KIF16B: variants seen among roughly 807,000 people sequenced by gnomAD.
KIF16B encodes kinesin family member 16B, also known as kinesin-like protein KIF16B.
In KIF16B, 98 loss-of-function variants were observed where a neutral mutation model predicts 156.3. The ratio of observed to expected loss-of-function variants is 0.63; its 90% CI spans 0.53 to 0.74. The LOEUF (loss-of-function observed/expected upper bound fraction) is 0.74, where lower values mean the gene tolerates loss of function less well. KIF16B is among the 30% of genes least tolerant of loss of function. KIF16B has a pLI of 0.00. For synonymous variants in KIF16B, 564 were observed against 583.7 expected, an observed-to-expected ratio of 0.97 and a Z score of 0.49; for missense variants, 1,421 against 1,606.5, an observed-to-expected ratio of 0.88 and a Z score of 1.97.
At chr20:16,334,220 C>T (rs2063997026) in intron 24 of KIF16B, among the ~76,000 whole-genome samples, 1 of 152,144 alleles carries the variant, frequency 6.6e-6, no homozygotes, top group African/African-American at 2.4e-5. Context: ...TTTGGGAATT[C>T]AGTGAGTTTA....
chr20:16,563,534 A>C (rs990985526), intron 1 of KIF16B, among the ~76,000 whole-genome samples: 1 of 152,240 alleles, frequency 6.6e-6, no homozygotes, highest in Admixed American at 6.5e-5. Context: ...AAAATAACTT[A>C]GAAAAACAGT....
intron 12 of KIF16B, among the ~76,000 whole-genome samples, chr20:16,433,036 C>T (rs2066543993): frequency 6.6e-6 from 1 of 152,168 alleles, no homozygotes; most frequent in African/African-American, 2.4e-5. Context: ...ATAAGCTAAC[C>T]CCTACTCCTA....
chr20:16,467,559 C>T (rs967815552), intron 12 of KIF16B, among the ~76,000 whole-genome samples: 17 of 152,154 alleles, frequency 1.1e-4, no homozygotes, highest in African/African-American at 3.9e-4. Context: ...CAAGAACATA[C>T]AGATCATGTA....
intron 25 of KIF16B, among the ~76,000 whole-genome samples, chr20:16,275,571 TAATC>T (rs1713811334): frequency 6.6e-6 from 1 of 152,204 alleles, no homozygotes. Context: ...GCAAGGCTAG[TAATC>T]TAGAGAGAAG....
At chr20:16,280,686 A>C (rs1387209724) in intron 25 of KIF16B, among the ~76,000 whole-genome samples, 1 of 152,214 alleles carries the variant, frequency 6.6e-6, no homozygotes, top group African/African-American at 2.4e-5. Flanking sequence ...CCAGCTCTTC[A>C]AATGTAGGAG....
chr20:16,556,350 G>A (rs544344735), intron 1 of KIF16B, among the ~76,000 whole-genome samples: 5 of 152,294 alleles, frequency 3.3e-5, no homozygotes, highest in South Asian at 2.1e-4. Context: ...TCACTAACTG[G>A]CTACCCGGAG....
intron 9 of KIF16B, among the ~76,000 whole-genome samples, chr20:16,504,924 T>C (rs2068729665): frequency 7.1e-6 from 1 of 141,374 alleles, no homozygotes; most frequent in South Asian, 2.3e-4. Flanking sequence ...AAGTCTACTG[T>C]CTGGAAAAAA....
chr20:16,529,406 A>G (rs1315261475), intron 1 of KIF16B, among the ~76,000 whole-genome samples: 1 of 152,256 alleles, frequency 6.6e-6, no homozygotes, highest in Non-Finnish European at 1.5e-5. Context: ...AACTATTTCA[A>G]TTACGACTCT....
At position 16,382,100 on chromosome 20, in the gene KIF16B, T is replaced by G. The variant is rs1399170793; in HGVS notation, c.1785-353A>C. On this transcript the variant is annotated intron_variant, in intron 17 of 25. Transcript: ENST00000354981. ...ATATAAAAATGGAGAATCTCTACCT[T>G]AGACAGATGGGTCCTTTTATAGGGA... is the stretch of plus-strand genomic sequence containing the variant. 2.2e-6 allele frequency: 3 copies of G among 1,354,360 alleles called. No homozygotes were observed. The African/African-American group carries it at 4.4e-5, about 20-fold the overall frequency. The allele number at this position is 1,354,360 out of a possible 1,614,324, so 83.9% of individuals were successfully genotyped here. A position where few individuals can be genotyped will look rare whatever the true frequency, so the allele number is the denominator to read the frequency against.
intron 25 of KIF16B, among the ~76,000 whole-genome samples, chr20:16,282,693 G>A (rs1424211720): frequency 6.6e-6 from 1 of 152,092 alleles, no homozygotes; most frequent in African/African-American, 2.4e-5. Context: ...AGGCCCACAG[G>A]CACAGAGCAT....
intron 25 of KIF16B, among the ~76,000 whole-genome samples, chr20:16,288,888 T>C (rs2063270636): frequency 6.6e-6 from 1 of 151,578 alleles, no homozygotes; most frequent in Non-Finnish European, 1.5e-5. Context: ...ACACAGTACG[T>C]ACTGGCGATG....
chr20:16,429,819 A>C, intron 13 of KIF16B, 44 bp downstream of exon 13: 1 of 1,562,730 alleles, frequency 6.4e-7, no homozygotes. Flanking sequence ...TCTAATGGAG[A>C]AACTGGAAAC....
At chr20:16,455,022 G>A (rs1363945205) in intron 12 of KIF16B, among the ~76,000 whole-genome samples, 1 of 152,112 alleles carries the variant, frequency 6.6e-6, no homozygotes, top group Non-Finnish European at 1.5e-5. Flanking sequence ...GCTGAAAACA[G>A]CCCCTCAACA....
rs541133906 is a variant in KIF16B, at chr20:16,363,453, T to C, written c.3499-7001A>G. Among the ~76,000 whole-genome samples, 14 of 152,338 alleles carry C rather than the reference T, an allele frequency of 9.2e-5. No individual in the cohort carries two copies. In the South Asian group the frequency reaches 2.9e-3, roughly 32 times the overall value. ...TATCTGTAATAGAGCTTTGGGAACC[T>C]TGACATAATACATCCATGGAAAATT... On this transcript the variant is annotated intron_variant, in intron 22 of 25. Coordinates refer to ENST00000354981, the MANE Select transcript of KIF16B (RefSeq NM_024704.5).
At chr20:16,492,105 G>A (rs1328081152) in intron 12 of KIF16B, among the ~76,000 whole-genome samples, 1 of 152,182 alleles carries the variant, frequency 6.6e-6, no homozygotes, top group Admixed American at 6.5e-5. Flanking sequence ...CAGGGAATAT[G>A]AGCACACAGC....
At position 16,326,278 on chromosome 20, in the gene KIF16B, C is replaced by T. The variant is rs1194902112; in HGVS notation, c.3711+9648G>A. Among the ~76,000 whole-genome samples the T allele has an allele frequency of 2.2e-5, 3 of 139,324 alleles. No homozygotes were observed. In the Admixed American group the frequency reaches 2.2e-4, roughly 10 times the overall value. 91.4% of individuals were successfully genotyped at this position (139,324 alleles called of 152,430 possible). On this transcript the variant is annotated intron_variant, in intron 24 of 25. Coordinates refer to ENST00000354981, the MANE Select transcript of KIF16B (RefSeq NM_024704.5). ...ACCAAGAACCCAAAAGCAAATGCAA[C>T]AAAAAAAAAAAGATAAATAGATGGG...
intron 24 of KIF16B, among the ~76,000 whole-genome samples, chr20:16,324,655 A>G (rs556679906): frequency 1.3e-5 from 2 of 152,168 alleles, no homozygotes; most frequent in South Asian, 4.1e-4. Flanking sequence ...ACTGGAAATC[A>G]TCTTTTAGAT....
At chr20:16,506,328 CT>C (rs1200866168) in intron 7 of KIF16B, 138 bp from the exon 8 acceptor site, 4 of 683,664 alleles carry the variant, frequency 5.9e-6, no homozygotes, top group Admixed American at 2.7e-5. Context: ...TTTTACTGGC[CT>C]TCCTACTGAT....
intron 7 of KIF16B, 33 bp from the exon 8 acceptor site, chr20:16,506,223 G>GT (rs749815946): frequency 6.4e-7 from 1 of 1,569,884 alleles, no homozygotes; most frequent in African/African-American, 1.4e-5. Flanking sequence ...AATTGAAGAG[G>GT]TGCAAAGGGC....
Sources: allele counts gnomAD v4.1 joint callset (sites outside exome capture counted in the v4.1 genomes callset), GRCh38; gene constraint gnomAD v4.1.1; transcripts MANE v1.5; gene names NCBI Gene and HGNC (gene_info 2026-07-23, HGNC 2026-07-21).